Variants in PCM1 observed in about 807,000 individuals in gnomAD.
PCM1 encodes pericentriolar material 1, also known as pericentriolar material 1 protein.
In PCM1, 157 loss-of-function variants were observed where a neutral mutation model predicts 241.9. The observed-to-expected ratio is 0.65, with a 90% CI of 0.57 to 0.74. The LOEUF (loss-of-function observed/expected upper bound fraction) is 0.74. PCM1 is among the 30% of genes least tolerant of loss of function. PCM1 has a pLI of 0.00. For missense variants in PCM1, 3,478 were observed against 2,360.1 expected (o/e 1.47, Z -9.81); for synonymous variants, 1,085 against 784.9 (o/e 1.38, Z -6.39).
intron 36 of PCM1, among the ~76,000 whole-genome samples, chr8:18,024,192 C>T (rs189418177): frequency 6.6e-6 from 1 of 152,238 alleles, no homozygotes; most frequent in East Asian, 1.9e-4. Flanking sequence ...CATAGTAAGA[C>T]CCTGTCTCTA....
chr8:17,983,952 G>A (rs1310949122), intron 24 of PCM1, among the ~76,000 whole-genome samples: 2 of 151,972 alleles, frequency 1.3e-5, no homozygotes, highest in African/African-American at 4.8e-5. Context: ...TTGAAAATAA[G>A]GAACTCTGAA....
At chr8:18,011,931 A>C in intron 34 of PCM1, 104 bp downstream of exon 34, 2 of 1,038,750 alleles carry the variant, frequency 1.9e-6, no homozygotes, top group Non-Finnish European at 2.9e-6. Context: ...CTAAATATTC[A>C]GGTTTCATGA....
chr8:18,003,257 T>A (rs562754145), intron 29 of PCM1, among the ~76,000 whole-genome samples: 10 of 152,330 alleles, frequency 6.6e-5, no homozygotes, highest in South Asian at 2.1e-4. Flanking sequence ...AATAAATGAC[T>A]GGAATCTTCA....
At chr8:17,978,848 C>G (rs1305282379) in intron 23 of PCM1, among the ~76,000 whole-genome samples, 1 of 152,160 alleles carries the variant, frequency 6.6e-6, no homozygotes, top group Non-Finnish European at 1.5e-5. Flanking sequence ...GAATTCTAGA[C>G]TATCAACACT....
intron 7 of PCM1, among the ~76,000 whole-genome samples, chr8:17,947,656 A>G (rs2064343235): frequency 6.6e-6 from 1 of 152,192 alleles, no homozygotes; most frequent in Non-Finnish European, 1.5e-5. Flanking sequence ...CCTCAGACTG[A>G]TAAGGCTCAT....
chr8:17,932,968 C>A (rs2059457662), intron 2 of PCM1, among the ~76,000 whole-genome samples: 1 of 152,034 alleles, frequency 6.6e-6, no homozygotes, highest in African/African-American at 2.4e-5. Flanking sequence ...TATGTACCAT[C>A]CTTGGGAGAA....
At chr8:17,954,617 G>A (rs2067347139) in intron 9 of PCM1, among the ~76,000 whole-genome samples, 1 of 152,086 alleles carries the variant, frequency 6.6e-6, no homozygotes, top group Non-Finnish European at 1.5e-5. Context: ...ATAGAATGAG[G>A]AGACTGCTGG....
Position 17,955,671 on chromosome 8 carries a change from AT to A in PCM1, c.1472+20del, listed in dbSNP as rs2067989500. 1 of 1,580,294 alleles carries A rather than the reference AT, an allele frequency of 6.3e-7. No individual in the cohort carries two copies. The highest frequency in any genetic ancestry group is 8.7e-7 in the Non-Finnish European group (1 of 1,149,850). On this transcript the variant is annotated intron_variant, in intron 10 of 38. Transcript: ENST00000325083. ...AAACTCCAGTAAAACATTTATAATC[AT>A]TGTTTACATGAAGTTAAATAATAGG...
chr8:17,989,855 T>G lies in PCM1; in HGVS notation c.4411-4T>G. On this transcript the variant is annotated splice_polypyrimidine_tract_variant and splice_region_variant and intron_variant, in intron 26 of 38. Transcript: ENST00000325083. ...TGATTTTTGTTTGTTTTACTGTAAC[T>G]TAGGAAACTTTTGAGAAGAACTTTG... 6.5e-7 allele frequency: 1 copy of G among 1,527,980 alleles called. No individual in the cohort carries two copies. The highest frequency in any genetic ancestry group is 8.8e-7 in the Non-Finnish European group (1 of 1,130,678). 94.7% of individuals were successfully genotyped at this position (1,527,980 alleles called of 1,614,324 possible).
At chr8:18,017,602 C>G (rs765872193) in intron 36 of PCM1, among the ~76,000 whole-genome samples, 35 of 152,278 alleles carry the variant, frequency 2.3e-4, no homozygotes, top group Middle Eastern at 6.8e-3. Flanking sequence ...GCCTGTAATC[C>G]CAGCCCTTTG....
chr8:17,930,480 A>G (rs2058643405), intron 2 of PCM1, among the ~76,000 whole-genome samples: 1 of 152,130 alleles, frequency 6.6e-6, no homozygotes, highest in African/African-American at 2.4e-5. Context: ...GAAGGCAGAG[A>G]TTCTGTATTT....
chr8:17,935,132 A>G (rs929194095), intron 2 of PCM1, among the ~76,000 whole-genome samples: 1 of 152,160 alleles, frequency 6.6e-6, no homozygotes, highest in Admixed American at 6.5e-5. Flanking sequence ...TGTTTCTTGC[A>G]GAGCAGTTCT....
At position 17,943,180 on chromosome 8, in the gene PCM1, A is replaced by ATTT. The variant is rs5889755; in HGVS notation, c.783+3333_783+3335dup. Among the ~76,000 whole-genome samples the ATTT allele has an allele frequency of 5.2e-3, 682 of 131,680 alleles. 6 individuals are homozygous for ATTT. Among genetic ancestry groups the ATTT allele is most frequent in the African/African-American group, 0.018 (630 of 34,886 alleles). 86.4% of individuals were successfully genotyped at this position (131,680 alleles called of 152,430 possible). A position where few individuals can be genotyped will look rare whatever the true frequency, so the allele number is the denominator to read the frequency against. On this transcript the variant is annotated intron_variant, in intron 6 of 38. Transcript: ENST00000325083. ...TGTGGCTATTTTATGGGTTTGTTGTATTTTTTTTTTTTTTTTGGTGTGTGT... is the reference window on the plus strand; with the variant it reads ...TGTGGCTATTTTATGGGTTTGTTGTATTTTTTTTTTTTTTTTTTTGGTGTGTGT...
intron 8 of PCM1, among the ~76,000 whole-genome samples, chr8:17,951,132 A>C (rs1260302654): frequency 1.3e-5 from 2 of 152,308 alleles, no homozygotes; most frequent in East Asian, 3.9e-4. Flanking sequence ...TGGAATTCTC[A>C]TTTGAAGGAA....
chr8:17,942,573 A>C (rs2062455328), intron 6 of PCM1, among the ~76,000 whole-genome samples: 1 of 152,100 alleles, frequency 6.6e-6, no homozygotes, highest in Non-Finnish European at 1.5e-5. Flanking sequence ...AAAATTATCC[A>C]GTTGACTTGG....
At chr8:17,923,911 G>T (rs951903842) in intron 1 of PCM1, among the ~76,000 whole-genome samples, 1 of 152,178 alleles carries the variant, frequency 6.6e-6, no homozygotes, top group Non-Finnish European at 1.5e-5. Flanking sequence ...GGCGTTTGGG[G>T]ATTAGGCCCC....
Position 17,942,678 on chromosome 8 carries a change from A to G in PCM1, c.783+2817A>G, listed in dbSNP as rs2062497565. Among the ~76,000 whole-genome samples the G allele has an allele frequency of 2.0e-5, 3 of 151,796 alleles. No individual in the cohort carries two copies. The South Asian group carries it at 6.2e-4, about 32-fold the overall frequency. Reference sequence around the variant, plus strand: ...TGGCATTCCAGATAGAGTTAAAGACAACTATTTGTAGTTCCACATAAAAAG... The same window carrying G: ...TGGCATTCCAGATAGAGTTAAAGACGACTATTTGTAGTTCCACATAAAAAG... On this transcript the variant is annotated intron_variant, in intron 6 of 38. Transcript: ENST00000325083.
In PCM1 at chr8:17,964,271, C is replaced by G. The variant is rs567901293; in HGVS notation, c.2655-297C>G. ...GAAAGTTCTGCTGAACTGCACTGAT[C>G]TTGAAAACTCCCTCAAGCAAATGTT... On this transcript the variant is annotated intron_variant, in intron 17 of 38. Coordinates refer to ENST00000325083, the MANE Select transcript of PCM1 (RefSeq NM_006197.4). 5.9e-5 allele frequency among the ~76,000 whole-genome samples: 9 copies of G among 152,242 alleles called. No homozygotes were observed. The East Asian group carries it at 1.5e-3, about 26-fold the overall frequency.
Position 18,029,660 on chromosome 8 carries a change from C to T in PCM1, c.*1998C>T, listed in dbSNP as rs766213576. ...TAGTAGATAATTTAGTTTTAAAATACGTAGGGTTTGAGAGCAGATATATTT... is the reference window on the plus strand; with the variant it reads ...TAGTAGATAATTTAGTTTTAAAATATGTAGGGTTTGAGAGCAGATATATTT... On this transcript the variant is annotated 3_prime_UTR_variant, in exon 39 of 39. Transcript: ENST00000325083. The T allele has an allele frequency of 3.1e-4, 61 of 199,240 alleles. No individual in the cohort carries two copies. The highest frequency in any genetic ancestry group is 4.9e-4 in the Non-Finnish European group (47 of 96,594). The allele number at this position is 199,240 out of a possible 1,614,324, so 12.3% of individuals were successfully genotyped here. A position where few individuals can be genotyped will look rare whatever the true frequency, so the allele number is the denominator to read the frequency against.
Sources: gnomAD v4.1 joint callset for allele counts (sites outside exome capture counted in the v4.1 genomes callset) on GRCh38, gnomAD v4.1.1 for gene constraint, MANE v1.5 for transcripts, NCBI Gene and HGNC (gene_info 2026-07-23, HGNC 2026-07-21) for gene names.